The following UBE2F variants were observed in gnomAD, a reference collection of about 807,000 sequenced individuals.
The protein encoded by UBE2F is NEDD8-conjugating enzyme UBE2F.
A neutral mutation model predicts 29.6 loss-of-function variants in UBE2F; 5 were observed. That is an observed-to-expected ratio of 0.17 (90% CI 0.09 to 0.36). UBE2F has a LOEUF of 0.36. Among genes scored for constraint, UBE2F ranks in the 10% least tolerant of loss-of-function variants. The probability of loss-of-function intolerance (pLI) is 1.00; values close to 1 mark genes in which losing one functional copy is unlikely to be tolerated. For synonymous variants in UBE2F, 66 were observed against 81.8 expected (o/e 0.81, Z 1.04); for missense variants, 141 against 228.5 (o/e 0.62, Z 2.47).
intron 2 of UBE2F, among the ~76,000 whole-genome samples, chr2:237,984,357 C>T (rs1026219814): frequency 2.0e-5 from 3 of 152,200 alleles, no homozygotes; most frequent in Non-Finnish European, 4.4e-5. Context: ...GCTCCCTCCA[C>T]GCTCCTGTTT....
At position 237,973,229 on chromosome 2, in the gene UBE2F, A is replaced by C; in HGVS notation, c.118+4A>C. On this transcript the variant is annotated splice_donor_region_variant and intron_variant, in intron 2 of 9. Coordinates refer to ENST00000272930, the MANE Select transcript of UBE2F (RefSeq NM_080678.3). ...AGAGACAAATTGCTTGTTAAAGGTA[A>C]TGATCATTCGTGTGAACTGTTTTTA... 6.2e-7 allele frequency: 1 copy of C among 1,613,008 alleles called. No homozygotes were observed. The highest frequency in any genetic ancestry group is 8.5e-7 in the Non-Finnish European group (1 of 1,179,002).
intron 5 of UBE2F, among the ~76,000 whole-genome samples, chr2:238,018,714 A>AT (rs1244198653): frequency 6.6e-6 from 1 of 152,126 alleles, no homozygotes; most frequent in East Asian, 1.9e-4. Flanking sequence ...CTTAACATTC[A>AT]TATCTTTATA....
chr2:238,022,713 G>A (rs1018281695), intron 5 of UBE2F, among the ~76,000 whole-genome samples: 2 of 152,134 alleles, frequency 1.3e-5, no homozygotes, highest in African/African-American at 4.8e-5. Flanking sequence ...TTCTCTGTTG[G>A]TTTGAGAGGC....
At chr2:237,991,815 G>A (rs1024298020) in intron 3 of UBE2F, among the ~76,000 whole-genome samples, 4 of 150,300 alleles carry the variant, frequency 2.7e-5, no homozygotes, top group Admixed American at 6.6e-5. Flanking sequence ...GATTACAGGC[G>A]TGAGCCGCTG....
At chr2:238,007,309 A>G (rs1218337983) in intron 4 of UBE2F, among the ~76,000 whole-genome samples, 1 of 151,310 alleles carries the variant, frequency 6.6e-6, no homozygotes. Flanking sequence ...TTTAGTAGAT[A>G]TGGCATTTCA....
intron 7 of UBE2F, among the ~76,000 whole-genome samples, chr2:238,031,775 T>A (rs999108565): frequency 6.6e-6 from 1 of 152,090 alleles, no homozygotes; most frequent in Non-Finnish European, 1.5e-5. Context: ...TTAAGAAAAC[T>A]TAATAGGATG....
chr2:238,007,499 A>AT lies in UBE2F; in HGVS notation c.215-9066dup, dbSNP rs1003045880. Among the ~76,000 whole-genome samples the AT allele has an allele frequency of 6.3e-5, 9 of 142,560 alleles. 1 individual carries two copies. Among genetic ancestry groups the AT allele is most frequent in the Admixed American group, 5.8e-4 (8 of 13,732 alleles). 93.5% of individuals were successfully genotyped at this position (142,560 alleles called of 152,430 possible). A position where few individuals can be genotyped will look rare whatever the true frequency, so the allele number is the denominator to read the frequency against. The stretch of plus-strand genomic sequence containing the variant: ...ACTTCTTGTTTGCATATATACATAT[A>AT]TATGTATATGTATGTATGTATTTTT... On this transcript the variant is annotated intron_variant, in intron 4 of 9. Transcript: ENST00000272930.
chr2:237,969,880 C>T (rs1384112346), intron 1 of UBE2F, among the ~76,000 whole-genome samples: 1 of 152,106 alleles, frequency 6.6e-6, no homozygotes, highest in African/African-American at 2.4e-5. Flanking sequence ...TTGCTCTGGG[C>T]GAAGCTGTGA....
At chr2:238,030,209 C>T (rs1159760331) in intron 6 of UBE2F, among the ~76,000 whole-genome samples, 1 of 152,208 alleles carries the variant, frequency 6.6e-6, no homozygotes, top group Non-Finnish European at 1.5e-5. Flanking sequence ...GCTGAGATTA[C>T]AGGCATGAGC....
chr2:238,013,057 G>A (rs977428611), intron 4 of UBE2F, among the ~76,000 whole-genome samples: 2 of 152,078 alleles, frequency 1.3e-5, no homozygotes, highest in Non-Finnish European at 2.9e-5. Context: ...TGGGCAGATC[G>A]CTTGTGGTCA....
intron 4 of UBE2F, among the ~76,000 whole-genome samples, chr2:238,008,485 A>G (rs531266347): frequency 5.0e-4 from 76 of 152,206 alleles, no homozygotes; most frequent in Middle Eastern, 3.4e-3. Flanking sequence ...ATCTTATCCT[A>G]TCCTTTTAAG....
chr2:238,027,420 A>G (rs1038725723), intron 6 of UBE2F, among the ~76,000 whole-genome samples: 1 of 152,234 alleles, frequency 6.6e-6, no homozygotes, highest in Non-Finnish European at 1.5e-5. Context: ...AACCAGAGAA[A>G]GGCGCAGAAG....
intron 8 of UBE2F, among the ~76,000 whole-genome samples, chr2:238,033,427 C>T (rs933360410): frequency 6.6e-6 from 1 of 152,112 alleles, no homozygotes; most frequent in Non-Finnish European, 1.5e-5. Context: ...TTGATAAAAC[C>T]TAAGGTGCCT....
At chr2:237,972,223 C>A (rs1312999444) in intron 1 of UBE2F, among the ~76,000 whole-genome samples, 2 of 152,212 alleles carry the variant, frequency 1.3e-5, no homozygotes, top group African/African-American at 4.8e-5. Context: ...CTTATTAAGG[C>A]TCTATCCACA....
At chr2:238,001,290 C>T (rs2063788117) in intron 4 of UBE2F, among the ~76,000 whole-genome samples, 1 of 152,246 alleles carries the variant, frequency 6.6e-6, no homozygotes, top group African/African-American at 2.4e-5. Flanking sequence ...GCCTCAGCCT[C>T]CCAAAGTGCT....
At position 237,992,871 on chromosome 2, in the gene UBE2F, T is replaced by C. The variant is rs60290974; in HGVS notation, c.149-1873T>C. Reference sequence around the variant, plus strand: ...CATTGTCAAACTAAGCAAATACTTTTGGTGGAACTTGTAAGAAAACTTTAA... The same window carrying C: ...CATTGTCAAACTAAGCAAATACTTTCGGTGGAACTTGTAAGAAAACTTTAA... On this transcript the variant is annotated intron_variant, in intron 3 of 9. Transcript: ENST00000272930. Among the ~76,000 whole-genome samples, 260 of 152,362 alleles carry C rather than the reference T, an allele frequency of 1.7e-3. 2 individuals carry two copies. The highest frequency in any genetic ancestry group is 5.9e-3 in the African/African-American group (246 of 41,578).
At chr2:238,030,871 G>T (rs1576639323) in intron 7 of UBE2F, among the ~76,000 whole-genome samples, 2 of 152,358 alleles carry the variant, frequency 1.3e-5, no homozygotes, top group East Asian at 3.9e-4. Context: ...CAAACTGCAG[G>T]CTTCACAGCC....
intron 9 of UBE2F, among the ~76,000 whole-genome samples, chr2:238,037,942 C>T (rs821509): frequency 1.3e-5 from 2 of 152,112 alleles, no homozygotes; most frequent in Non-Finnish European, 2.9e-5. Flanking sequence ...TTCTAGACAT[C>T]GTGCTGAATG....
chr2:237,970,860 C>T (rs1158921820), intron 1 of UBE2F, among the ~76,000 whole-genome samples: 1 of 152,148 alleles, frequency 6.6e-6, no homozygotes, highest in Non-Finnish European at 1.5e-5. Context: ...AGGCACCCGC[C>T]ACCATGCCGA....
Sources: gnomAD v4.1 joint callset for allele counts (sites outside exome capture counted in the v4.1 genomes callset) on GRCh38, gnomAD v4.1.1 for gene constraint, MANE v1.5 for transcripts, NCBI Gene and HGNC (gene_info 2026-07-23, HGNC 2026-07-21) for gene names.